The following ITGA6 variants were observed in gnomAD, a reference collection of about 807,000 sequenced individuals.
ITGA6 encodes the protein integrin subunit alpha 6, also known as integrin alpha-6.
ITGA6 carries 63 observed loss-of-function variants against 133.6 expected under a neutral mutation model. The ratio of observed to expected loss-of-function variants is 0.47; its 90% confidence interval spans 0.38 to 0.58. ITGA6 has a LOEUF of 0.58. Among genes scored for constraint, ITGA6 ranks in the 20% least tolerant of loss-of-function variants. The pLI is 0.00. For synonymous variants in ITGA6, 434 were observed against 482.0 expected, an observed-to-expected ratio of 0.90 and a Z score of 1.30; for missense variants, 1,068 against 1,309.4, an observed-to-expected ratio of 0.82 and a Z score of 2.85.
At chr2:172,432,754 C>T (rs1684154473) in intron 1 of ITGA6, among the ~76,000 whole-genome samples, 2 of 152,172 alleles carry the variant, frequency 1.3e-5, no homozygotes, top group African/African-American at 4.8e-5. Flanking sequence ...CCCAGAAATA[C>T]AGGCTGACCT....
At chr2:172,427,414 T>C (rs957567291), upstream of ITGA6, 8 of 1,023,662 alleles carry the variant, frequency 7.8e-6, no homozygotes, top group African/African-American at 1.4e-4. Context: ...CCTCCGGGGC[T>C]CCCACGTCGT....
At position 172,445,787 on chromosome 2, in the gene ITGA6, T is replaced by C. The variant is rs547982918; in HGVS notation, c.182+17817T>C. On this transcript the variant is annotated intron_variant, in intron 1 of 25. Transcript: ENST00000684293. ...TTGGGACCCAGGACTTGCTCTCTTA[T>C]TGCTCCACCACTGGAGCCTCAACCT... Among the ~76,000 whole-genome samples the C allele has an allele frequency of 3.3e-5, 5 of 152,334 alleles. No homozygotes were observed. The East Asian group carries it at 9.6e-4, about 29-fold the overall frequency.
chr2:172,461,442 C>T (rs78826520), intron 1 of ITGA6, among the ~76,000 whole-genome samples: 1,728 of 152,268 alleles, frequency 0.011, 34 homozygotes, highest in African/African-American at 0.039. Context: ...TTGCCTTGAC[C>T]GCATATGGGA....
Position 172,474,084 on chromosome 2 carries a change from G to T in ITGA6, c.805G>T (p.Val269Phe). The part of the protein sequence containing the change: ...GFSLDSGKGI[V>F]SKDEITFVSG... ...TTCTTTGGACTCAGGGAAAGGTATT[G>T]TTTCTAAAGATGAGATCACTTTTGT... The change falls in exon 6 of 26, where the codon GTT becomes TTT. Residue 269 changes from valine to phenylalanine, a missense_variant. By Grantham distance (50) the Val-to-Phe change is conservative (BLOSUM62 -1). Transcript: ENST00000684293. The T allele has an allele frequency of 1.9e-6, 3 of 1,613,482 alleles. No individual in the cohort carries two copies. The highest frequency in any genetic ancestry group is 1.1e-5 in the South Asian group (1 of 91,042).
At position 172,460,725 on chromosome 2, in the gene ITGA6, G is replaced by C. The variant is rs140879841; in HGVS notation, c.183-4814G>C. On this transcript the variant is annotated intron_variant, in intron 1 of 25. Coordinates refer to ENST00000684293, the MANE Select transcript of ITGA6 (RefSeq NM_000210.4). The stretch of plus-strand genomic sequence containing the variant: ...AAATTAAATTCTGAGTTTGAAAATG[G>C]GTTAAATGTAAAGGTGACACAATTG... 3.1e-4 allele frequency among the ~76,000 whole-genome samples: 47 copies of C among 152,228 alleles called. 1 individual carries two copies. The highest frequency in any genetic ancestry group is 1.0e-3 in the African/African-American group (42 of 41,522).
At position 172,487,157 on chromosome 2, in the gene ITGA6, C is replaced by A; in HGVS notation, c.1970+19C>A. 1 of 1,531,570 alleles carries A rather than the reference C, an allele frequency of 6.5e-7. No homozygotes were observed. Among genetic ancestry groups the A allele is most frequent in the Non-Finnish European group, 9.0e-7 (1 of 1,105,020 alleles). The allele number at this position is 1,531,570 out of a possible 1,614,324, so 94.9% of individuals were successfully genotyped here. On this transcript the variant is annotated intron_variant, in intron 14 of 25. Transcript: ENST00000684293. ...TACCAATGTAAGAATCGTTGTGTAGCACTAGCAAAAATGATTCTGGCTTCA... is the reference window on the plus strand; with the variant it reads ...TACCAATGTAAGAATCGTTGTGTAGAACTAGCAAAAATGATTCTGGCTTCA...
chr2:172,465,430 A>T, intron 1 of ITGA6, 109 bp from the exon 2 acceptor site: 2 of 1,300,630 alleles, frequency 1.5e-6, no homozygotes, highest in Non-Finnish European at 2.2e-6. Context: ...TTGAAGAATT[A>T]GTGGACTCCT....
At chr2:172,490,066 C>G (rs981580880) in intron 20 of ITGA6, 1 of 190,474 alleles carries the variant, frequency 5.3e-6, no homozygotes, top group Non-Finnish European at 1.1e-5. Context: ...ACCTTGAAAG[C>G]TTTTTATGCT....
At position 172,470,987 on chromosome 2, in the gene ITGA6, A is replaced by G. The variant is rs935787952; in HGVS notation, c.657A>G (p.Val219=). Residue 219 remains valine, a synonymous_variant, in exon 5 of 26, where the codon GTA becomes GTG. Coordinates refer to ENST00000684293, the MANE Select transcript of ITGA6 (RefSeq NM_000210.4). ...GTYNWKGIVR[V]EQKNNTFFDM... ...TCATTCCTTTAGGGATTGTTCGTGTAGAGCAAAAGAATAACACTTTTTTTG... is the reference window on the plus strand; with the variant it reads ...TCATTCCTTTAGGGATTGTTCGTGTGGAGCAAAAGAATAACACTTTTTTTG... 10 of 1,613,892 alleles carry G rather than the reference A, an allele frequency of 6.2e-6. No homozygotes were observed. Among genetic ancestry groups the G allele is most frequent in the Non-Finnish European group, 6.8e-6 (8 of 1,179,892 alleles).
chr2:172,440,807 A>G (rs1365902608), intron 1 of ITGA6, among the ~76,000 whole-genome samples: 1 of 152,200 alleles, frequency 6.6e-6, no homozygotes, highest in African/African-American at 2.4e-5. Context: ...GCCTGGCTAT[A>G]TTAGCTTATT....
rs2737085 is a variant in ITGA6 at position 172,487,779 on chromosome 2, G to T, written c.2296G>T (p.Asp766Tyr). 4.4e-3 allele frequency: 7,013 copies of T among 1,611,508 alleles called. 267 individuals carry two copies. In the African/African-American group the frequency reaches 0.082, roughly 19 times the overall value. Reference sequence around the variant, plus strand: ...AACTGAAGTCACCTTTGACACCCCAGATCTGGATATTAATCTGAAGTTAGA... The same window carrying T: ...AACTGAAGTCACCTTTGACACCCCATATCTGGATATTAATCTGAAGTTAGA... ...STTEVTFDTP[D>Y]LDINLKLETT... The change falls in exon 17 of 26, where the codon GAT becomes TAT. Residue 766 changes from aspartate (D) to tyrosine (Y), a missense_variant. Coordinates refer to ENST00000684293, the MANE Select transcript of ITGA6 (RefSeq NM_000210.4).
At chr2:172,465,872 A>C in intron 2 of ITGA6, 1 of 713,866 alleles carries the variant, frequency 1.4e-6, no homozygotes, top group Non-Finnish European at 2.4e-6. Context: ...TGCTCCTCCT[A>C]ACCGTGGTTT....
rs1686900319 is a variant in ITGA6 at position 172,491,032 on chromosome 2, C to T, written c.2688C>T (p.His896=). 1 of 1,549,792 alleles carries T rather than the reference C, an allele frequency of 6.5e-7. No individual in the cohort carries two copies. The highest frequency in any genetic ancestry group is 8.9e-7 in the Non-Finnish European group (1 of 1,122,662). Residue 896 remains histidine, a synonymous_variant, in exon 21 of 26, where the codon CAC becomes CAT. Transcript: ENST00000684293. The surrounding 1 kb of genome is among the most constrained non-coding windows in gnomAD (Gnocchi z 4.4). ...EINSLNLTES[H]NSRKKREITE... ...GATATAATTTTTTTCAGGAGTCTCA[C>T]AACTCAAGAAAGAAACGGGAAATTA...
At chr2:172,434,958 C>T (rs541399515) in intron 1 of ITGA6, among the ~76,000 whole-genome samples, 5 of 151,760 alleles carry the variant, frequency 3.3e-5, no homozygotes, top group South Asian at 2.1e-4. Context: ...TTGCTTTGCT[C>T]GGTGATATCA....
In ITGA6 at chr2:172,488,115, T is replaced by A; in HGVS notation, c.2403-11T>A. The stretch of plus-strand genomic sequence containing the variant: ...AATCCTCATTAAAACTGGTGTTTTT[T>A]AATTTGACAGAGTTGCTAAACCTTC... On this transcript the variant is annotated splice_polypyrimidine_tract_variant and intron_variant, in intron 18 of 25. Transcript: ENST00000684293. 6.2e-7 allele frequency: 1 copy of A among 1,613,250 alleles called. No individual in the cohort carries two copies. Among genetic ancestry groups the A allele is most frequent in the East Asian group, 2.2e-5 (1 of 44,850 alleles).
chr2:172,429,038 A>G (rs1301807082), intron 1 of ITGA6, among the ~76,000 whole-genome samples: 2 of 152,218 alleles, frequency 1.3e-5, no homozygotes, highest in Non-Finnish European at 2.9e-5. Context: ...AGACCGGAGA[A>G]AGCAAAGTGC....
chr2:172,467,692 C>A (rs1270663618), intron 3 of ITGA6, 132 bp downstream of exon 3: 15 of 731,172 alleles, frequency 2.1e-5, no homozygotes, highest in Non-Finnish European at 3.6e-5. Flanking sequence ...GAATGGATGT[C>A]AAAAAGAAAT....
chr2:172,474,753 T>C (rs777619728), intron 6 of ITGA6, among the ~76,000 whole-genome samples, 176 bp from the exon 7 acceptor site: 1 of 152,192 alleles, frequency 6.6e-6, no homozygotes, highest in Non-Finnish European at 1.5e-5. Flanking sequence ...CCTTAGTATT[T>C]TTCTTGGGGC....
chr2:172,489,401 CTTCT>C, intron 19 of ITGA6, 80 bp from the exon 20 acceptor site: 1 of 1,094,320 alleles, frequency 9.1e-7, no homozygotes. Context: ...GATATTTTAG[CTTCT>C]TTCTCTTGGT....
Sources: allele counts gnomAD v4.1 joint callset (sites outside exome capture counted in the v4.1 genomes callset), GRCh38; gene constraint gnomAD v4.1.1; non-coding constraint Gnocchi (gnomAD v3.1); transcripts MANE v1.5; gene names NCBI Gene and HGNC (gene_info 2026-07-23, HGNC 2026-07-21).